Variants in MROH9 observed in about 807,000 individuals in gnomAD.
The protein encoded by MROH9 is maestro heat-like repeat-containing protein family member 9.
A neutral mutation model predicts 98.2 loss-of-function variants in MROH9; 92 were observed. The observed-to-expected ratio is 0.94, with a 90% CI of 0.79 to 1.11. The LOEUF is 1.11. MROH9 is among the 50% of genes most tolerant of loss of function. The probability of loss-of-function intolerance (pLI) is 0.00; values close to 1 mark genes in which losing one functional copy is unlikely to be tolerated. For missense variants in MROH9, 1,057 were observed against 1,014.8 expected, an observed-to-expected ratio of 1.04 and a Z score of -0.57; for synonymous variants, 397 against 368.9, an observed-to-expected ratio of 1.08 and a Z score of -0.87.
At chr1:170,962,745 T>A (rs764772182) in intron 6 of MROH9, among the ~76,000 whole-genome samples, 2 of 152,118 alleles carry the variant, frequency 1.3e-5, no homozygotes, top group Non-Finnish European at 2.9e-5. Flanking sequence ...TTTTAATTCA[T>A]TTAAAAAATG....
intron 15 of MROH9, among the ~76,000 whole-genome samples, chr1:171,011,169 T>C (rs767404996): frequency 7.2e-5 from 11 of 152,138 alleles, no homozygotes; most frequent in Non-Finnish European, 1.6e-4. Flanking sequence ...GCGAGACAGA[T>C]GCCATCCACT....
At chr1:171,027,684 G>A (rs997815052) in intron 20 of MROH9, among the ~76,000 whole-genome samples, 2 of 152,170 alleles carry the variant, frequency 1.3e-5, no homozygotes, top group Admixed American at 6.5e-5. Flanking sequence ...GTGTAAAAGT[G>A]TTCCTATTTC....
rs764138631 is a variant in MROH9 at position 170,986,557 on chromosome 1, G to T, written c.730-4G>T. The T allele has an allele frequency of 1.9e-6, 3 of 1,612,064 alleles. No individual in the cohort carries two copies. Among genetic ancestry groups the T allele is most frequent in the Admixed American group, 1.7e-5 (1 of 59,824 alleles). ...GAGGTCATGATTATCCTTTGTGGTT[G>T]CAGAGAGTAGGGCAAACCTTACTGC... On this transcript the variant is annotated splice_region_variant and splice_polypyrimidine_tract_variant and intron_variant, in intron 9 of 21. Transcript: ENST00000367759.
At chr1:171,060,506 G>T (rs537988031) in intron 20 of MROH9, among the ~76,000 whole-genome samples, 1 of 152,292 alleles carries the variant, frequency 6.6e-6, no homozygotes, top group South Asian at 2.1e-4. Flanking sequence ...AGGAACTAGA[G>T]TTGAAGGACT....
At chr1:171,002,509 T>C (rs1651814307) in intron 15 of MROH9, among the ~76,000 whole-genome samples, 1 of 152,186 alleles carries the variant, frequency 6.6e-6, no homozygotes, top group African/African-American at 2.4e-5. Context: ...TTCCTTCATA[T>C]ATGATGCTTA....
intron 9 of MROH9, among the ~76,000 whole-genome samples, chr1:170,984,295 C>T (rs1651046086): frequency 6.6e-6 from 1 of 152,116 alleles, no homozygotes; most frequent in Non-Finnish European, 1.5e-5. Flanking sequence ...TGTCTTCTTC[C>T]ATGGCTGAGA....
chr1:171,045,455 C>T (rs1037381843), intron 20 of MROH9, among the ~76,000 whole-genome samples: 2 of 151,932 alleles, frequency 1.3e-5, no homozygotes, highest in East Asian at 1.9e-4. Flanking sequence ...CTCTTAGTAC[C>T]GCTTTTGCTG....
chr1:171,035,575 G>A (rs988694204), intron 20 of MROH9, among the ~76,000 whole-genome samples: 6 of 152,040 alleles, frequency 3.9e-5, no homozygotes, highest in Middle Eastern at 6.8e-3. Flanking sequence ...AAGAATTCAT[G>A]TAAATTTATA....
intron 15 of MROH9, among the ~76,000 whole-genome samples, chr1:171,000,952 C>T (rs1421407127): frequency 1.3e-5 from 2 of 151,954 alleles, no homozygotes; most frequent in African/African-American, 4.8e-5. Context: ...TCTAATTCTT[C>T]CTGATTTAAG....
intron 5 of MROH9, among the ~76,000 whole-genome samples, 174 bp from the exon 6 acceptor site, chr1:170,961,716 C>A (rs1156996433): frequency 1.3e-5 from 2 of 151,906 alleles, no homozygotes; most frequent in Non-Finnish European, 2.9e-5. Context: ...TGCTAAAATT[C>A]TTTAAATATG....
chr1:171,012,706 T>C (rs1004420872), intron 15 of MROH9, among the ~76,000 whole-genome samples: 6 of 152,074 alleles, frequency 3.9e-5, no homozygotes, highest in East Asian at 1.9e-4. Flanking sequence ...GGTTTCACCA[T>C]GTTATCCAGG....
intron 20 of MROH9, among the ~76,000 whole-genome samples, chr1:171,046,004 T>C (rs1323649727): frequency 1.3e-5 from 2 of 152,168 alleles, no homozygotes; most frequent in African/African-American, 2.4e-5. Context: ...TTTTAAATTG[T>C]TATATCTTCT....
Position 171,024,421 on chromosome 1 carries a change from A to T in MROH9, c.1935A>T (p.Ala645=). The T allele has an allele frequency of 1.3e-6, 2 of 1,551,352 alleles. No individual in the cohort carries two copies. Among genetic ancestry groups the T allele is most frequent in the Non-Finnish European group, 1.7e-6 (2 of 1,146,868 alleles). The change falls in exon 18 of 22, where the codon GCA becomes GCT. Residue 645 remains alanine (A), a synonymous_variant. Transcript: ENST00000367759. ...TTAATGGAGGCATTCGAAGTATGGC[A>T]ATTCGACACTTTGGTCAATTAGTTA... ...DHINGGIRSM[A]IRHFGQLVRD...
At chr1:171,045,406 C>G (rs1377711751) in intron 20 of MROH9, among the ~76,000 whole-genome samples, 2 of 151,980 alleles carry the variant, frequency 1.3e-5, no homozygotes, top group Non-Finnish European at 1.5e-5. Context: ...TTGGTTTTTC[C>G]TCTTTTTTGA....
At chr1:170,995,203 C>T (rs1275540770) in intron 12 of MROH9, among the ~76,000 whole-genome samples, 186 bp from the exon 13 acceptor site, 1 of 152,138 alleles carries the variant, frequency 6.6e-6, no homozygotes, top group African/African-American at 2.4e-5. Context: ...AGGCTTGACA[C>T]AGTTCCTAGC....
intron 20 of MROH9, among the ~76,000 whole-genome samples, chr1:171,041,729 A>G (rs1653313013): frequency 6.6e-6 from 1 of 151,872 alleles, no homozygotes; most frequent in Non-Finnish European, 1.5e-5. Flanking sequence ...CTTCATCAAC[A>G]TTTGTTCTTT....
At chr1:171,010,179 A>G (rs1652101171) in intron 15 of MROH9, among the ~76,000 whole-genome samples, 1 of 152,054 alleles carries the variant, frequency 6.6e-6, no homozygotes, top group African/African-American at 2.4e-5. Flanking sequence ...ACTCCCACTT[A>G]TGAGAACATG....
chr1:170,941,730 G>A (rs1247834520), intron 1 of MROH9, among the ~76,000 whole-genome samples: 2 of 152,144 alleles, frequency 1.3e-5, no homozygotes, highest in Non-Finnish European at 2.9e-5. Flanking sequence ...TTACAGAAAA[G>A]AGCAAGCACA....
chr1:171,053,772 A>G, intron 20 of MROH9, among the ~76,000 whole-genome samples: 1 of 152,202 alleles, frequency 6.6e-6, no homozygotes. Context: ...GCTTAAAAGA[A>G]AATTGGATAT....
Sources: gnomAD v4.1 joint callset for allele counts (sites outside exome capture counted in the v4.1 genomes callset) on GRCh38, gnomAD v4.1.1 for gene constraint, MANE v1.5 for transcripts, NCBI Gene and HGNC (gene_info 2026-07-23, HGNC 2026-07-21) for gene names.